LBH: variants seen among roughly 807,000 people sequenced by gnomAD.
LBH encodes protein LBH.
Under a neutral mutation model 12.5 loss-of-function variants are expected in LBH, and 7 were observed. That is an observed-to-expected ratio of 0.56 (90% CI 0.32 to 1.05). The LOEUF (loss-of-function observed/expected upper bound fraction) is 1.05, where lower values mean the gene tolerates loss of function less well. Among genes scored for constraint, LBH ranks in the 50% least tolerant of loss-of-function variants. The pLI, the probability that LBH is intolerant of heterozygous loss-of-function variation, is 0.04. For missense variants in LBH, 119 were observed against 138.9 expected, an observed-to-expected ratio of 0.86 and a Z score of 0.72; for synonymous variants, 51 against 50.1, an observed-to-expected ratio of 1.02 and a Z score of -0.08.
intron 1 of LBH, among the ~76,000 whole-genome samples, chr2:30,233,852 T>G (rs969258878): frequency 6.6e-6 from 1 of 152,250 alleles, no homozygotes; most frequent in Non-Finnish European, 1.5e-5. Context: ...CTTGGGGCTT[T>G]AAGTGGAACA....
chr2:30,234,641 T>G, intron 2 of LBH, 134 bp downstream of exon 2: 1 of 616,344 alleles, frequency 1.6e-6, no homozygotes. Flanking sequence ...CTAATGCCAG[T>G]AAGCCTCAGT....
At chr2:30,239,266 C>T (rs978314458) in intron 2 of LBH, among the ~76,000 whole-genome samples, 1 of 152,216 alleles carries the variant, frequency 6.6e-6, no homozygotes, top group Non-Finnish European at 1.5e-5. Flanking sequence ...CTGCCGGTTC[C>T]ACCTGGGTGG....
chr2:30,231,604 G>C lies in LBH; in HGVS notation c.-135G>C. On this transcript the variant is annotated 5_prime_UTR_variant, in exon 1 of 3. Coordinates refer to ENST00000395323, the MANE Select transcript of LBH (RefSeq NM_030915.4). ...CGTCGCTAGCCGTGGGGCTGTCCTG[G>C]GAAGGCGGACGGCGAGCGCCCGGTG... 1 of 819,404 alleles carries C rather than the reference G, an allele frequency of 1.2e-6. No individual in the cohort carries two copies. Among genetic ancestry groups the C allele is most frequent in the East Asian group, 2.9e-5 (1 of 34,498 alleles). 50.8% of individuals were successfully genotyped at this position (819,404 alleles called of 1,614,324 possible).
intron 2 of LBH, among the ~76,000 whole-genome samples, chr2:30,251,140 A>G (rs1677972004): frequency 7.0e-6 from 1 of 143,250 alleles, no homozygotes; most frequent in Non-Finnish European, 1.5e-5. Context: ...TTGCAGCCTT[A>G]ACCTTCCAGG....
chr2:30,238,075 G>T (rs1368398451), intron 2 of LBH, among the ~76,000 whole-genome samples: 1 of 152,250 alleles, frequency 6.6e-6, no homozygotes, highest in African/African-American at 2.4e-5. Flanking sequence ...TGCTTCTTTG[G>T]CTCCAGGGAC....
At chr2:30,252,380 A>C (rs1677995854) in intron 2 of LBH, among the ~76,000 whole-genome samples, 1 of 152,092 alleles carries the variant, frequency 6.6e-6, no homozygotes, top group Non-Finnish European at 1.5e-5. Flanking sequence ...TCTTTCCTTT[A>C]GGCCAGGTGC....
intron 1 of LBH, chr2:30,232,762 C>T (rs1237265189): frequency 6.6e-6 from 1 of 152,400 alleles, no homozygotes; most frequent in Admixed American, 6.5e-5. Context: ...AGAGCCGCCC[C>T]TACGTCAGAC....
At chr2:30,232,923 C>G (rs1677619117) in intron 1 of LBH, 1 of 152,436 alleles carries the variant, frequency 6.6e-6, no homozygotes, top group Admixed American at 6.5e-5. Context: ...TCCCTGCCCC[C>G]ATCCGTCCCA....
At chr2:30,256,793 T>G (rs1331937845) in intron 2 of LBH, 1 of 153,678 alleles carries the variant, frequency 6.5e-6, no homozygotes, top group Non-Finnish European at 1.4e-5. Flanking sequence ...CCGAAAGCAC[T>G]GGGATTACAG....
At chr2:30,232,248 CGG>C in intron 1 of LBH, 1 of 1,396,748 alleles carries the variant, frequency 7.2e-7, no homozygotes, top group Non-Finnish European at 9.4e-7. Flanking sequence ...GGGTGGGGGG[CGG>C]GAAACGCTCT....
intron 2 of LBH, 84 bp from the exon 3 acceptor site, chr2:30,257,349 T>C: frequency 6.8e-7 from 1 of 1,477,794 alleles, no homozygotes; most frequent in Non-Finnish European, 9.4e-7. Flanking sequence ...GCACCCAGTA[T>C]GCCACATGGA....
intron 2 of LBH, among the ~76,000 whole-genome samples, chr2:30,257,041 C>T (rs572363187): frequency 5.8e-4 from 89 of 152,226 alleles, no homozygotes; most frequent in Non-Finnish European, 1.1e-3. Context: ...AATGCTGTGG[C>T]ACCTGTTGTA....
At chr2:30,234,563 G>A in intron 2 of LBH, 56 bp downstream of exon 2, 4 of 1,342,744 alleles carry the variant, frequency 3.0e-6, no homozygotes, top group Non-Finnish European at 3.2e-6. Context: ...TTTTGCTGGG[G>A]GTGAGGACAG....
At chr2:30,233,715 A>C (rs1677633399) in intron 1 of LBH, among the ~76,000 whole-genome samples, 1 of 152,232 alleles carries the variant, frequency 6.6e-6, no homozygotes, top group African/African-American at 2.4e-5. Flanking sequence ...CTTTGCAGTC[A>C]GAGTCGGGTA....
At chr2:30,253,746 A>G (rs1241235997) in intron 2 of LBH, among the ~76,000 whole-genome samples, 2 of 152,204 alleles carry the variant, frequency 1.3e-5, no homozygotes, top group Non-Finnish European at 2.9e-5. Flanking sequence ...AGAGGACATT[A>G]TAGTTTCAAT....
intron 2 of LBH, among the ~76,000 whole-genome samples, chr2:30,238,115 T>G (rs1677719266): frequency 6.6e-6 from 1 of 152,218 alleles, no homozygotes; most frequent in African/African-American, 2.4e-5. Flanking sequence ...GGAATGCCTC[T>G]GCGACTGGGT....
chr2:30,248,114 G>A (rs1296231961), intron 2 of LBH, among the ~76,000 whole-genome samples: 1 of 151,616 alleles, frequency 6.6e-6, no homozygotes, highest in Admixed American at 6.6e-5. Context: ...AGTGTAGATG[G>A]TTTCATTGAA....
rs970108350 is a variant in LBH at position 30,259,311 on chromosome 2, C to A, written c.*1690C>A. On this transcript the variant is annotated 3_prime_UTR_variant, in exon 3 of 3. Coordinates refer to ENST00000395323, the MANE Select transcript of LBH (RefSeq NM_030915.4). The stretch of plus-strand genomic sequence containing the variant: ...CTGGGAAGCCAATGGTCGCCGGCAC[C>A]CCTTGCTTCCTCCCTCTGTTGTCTG... The A allele has an allele frequency of 6.5e-6, 1 of 152,740 alleles. No individual in the cohort carries two copies. The highest frequency in any genetic ancestry group is 2.4e-5 in the African/African-American group (1 of 41,464). 9.5% of individuals were successfully genotyped at this position (152,740 alleles called of 1,614,324 possible).
chr2:30,235,500 G>A (rs73923292), intron 2 of LBH, among the ~76,000 whole-genome samples: 9,017 of 152,026 alleles, frequency 0.059, 906 homozygotes, highest in African/African-American at 0.2. Flanking sequence ...GCTCCCAGGC[G>A]GGGATCCTCA....
Sources: gnomAD v4.1 joint callset for allele counts (sites outside exome capture counted in the v4.1 genomes callset) on GRCh38, gnomAD v4.1.1 for gene constraint, MANE v1.5 for transcripts, NCBI Gene and HGNC (gene_info 2026-07-23, HGNC 2026-07-21) for gene names.